Variants in FNDC3B observed in about 807,000 individuals in gnomAD.
FNDC3B encodes fibronectin type III domain-containing protein 3B.
Under a neutral mutation model 151.5 loss-of-function variants are expected in FNDC3B, and 12 were observed. The observed-to-expected ratio is 0.08, with a 90% CI of 0.05 to 0.13. The LOEUF (loss-of-function observed/expected upper bound fraction) is 0.13, where lower values mean the gene tolerates loss of function less well. Among genes scored for constraint, FNDC3B ranks in the 10% least tolerant of loss-of-function variants. The probability of loss-of-function intolerance (pLI) is 1.00; values close to 1 mark genes in which losing one functional copy is unlikely to be tolerated. For missense variants in FNDC3B, 1,214 were observed against 1,505.3 expected, an observed-to-expected ratio of 0.81 and a Z score of 3.20; for synonymous variants, 528 against 549.0, an observed-to-expected ratio of 0.96 and a Z score of 0.54.
At chr3:172,312,500 A>G (rs1450035678) in intron 11 of FNDC3B, among the ~76,000 whole-genome samples, 1 of 152,168 alleles carries the variant, frequency 6.6e-6, no homozygotes, top group Admixed American at 6.5e-5. Context: ...CTTTGTAAGG[A>G]CAGGTGACCG....
chr3:172,171,665 T>C (rs943484537), intron 3 of FNDC3B, among the ~76,000 whole-genome samples: 1 of 151,304 alleles, frequency 6.6e-6, no homozygotes, highest in Non-Finnish European at 1.5e-5. Flanking sequence ...TCCAGTTCTT[T>C]ACAGCTGAGC....
intron 2 of FNDC3B, among the ~76,000 whole-genome samples, chr3:172,113,908 T>C (rs1029208329): frequency 2.0e-5 from 3 of 152,050 alleles, no homozygotes; most frequent in Non-Finnish European, 4.4e-5. Context: ...ATCTCAGGAG[T>C]GTGTGCTGAA....
chr3:172,246,188 T>C (rs1293926893), intron 4 of FNDC3B, among the ~76,000 whole-genome samples: 1 of 120,218 alleles, frequency 8.3e-6, no homozygotes, highest in East Asian at 2.0e-4. Context: ...GGTTTTTAGA[T>C]TTTTTTTTTT....
At chr3:172,283,903 A>AC (rs1729870301) in intron 6 of FNDC3B, among the ~76,000 whole-genome samples, 1 of 152,088 alleles carries the variant, frequency 6.6e-6, no homozygotes, top group Non-Finnish European at 1.5e-5. Context: ...GGGTCTTTTG[A>AC]ATGTGGGTTT....
At chr3:172,075,724 A>AACACAC (rs57920659) in intron 1 of FNDC3B, among the ~76,000 whole-genome samples, 507 of 146,948 alleles carry the variant, frequency 3.5e-3, no homozygotes, top group African/African-American at 6.4e-3. Flanking sequence ...TAGCCCAGTA[A>AACACAC]ACACACACAC....
chr3:172,125,982 G>A (rs1720791673), intron 2 of FNDC3B, among the ~76,000 whole-genome samples: 1 of 152,128 alleles, frequency 6.6e-6, no homozygotes, highest in Non-Finnish European at 1.5e-5. Flanking sequence ...CTTATGCATA[G>A]CCTTGGAAAA....
At chr3:172,354,495 TAAA>T (rs889464333) in intron 22 of FNDC3B, among the ~76,000 whole-genome samples, 28 of 149,816 alleles carry the variant, frequency 1.9e-4, no homozygotes, top group Admixed American at 6.0e-4. Flanking sequence ...ATATAAACAA[TAAA>T]AAAAAATAAT....
chr3:172,061,874 A>G (rs1229209692), intron 1 of FNDC3B, among the ~76,000 whole-genome samples: 1 of 152,188 alleles, frequency 6.6e-6, no homozygotes, highest in Non-Finnish European at 1.5e-5. Flanking sequence ...CAAAGAACCA[A>G]AGAGATCTCT....
At chr3:172,313,189 T>A (rs949880514) in intron 11 of FNDC3B, among the ~76,000 whole-genome samples, 9 of 152,222 alleles carry the variant, frequency 5.9e-5, no homozygotes, top group African/African-American at 2.2e-4. Flanking sequence ...ACAGGAATCC[T>A]TTTACATTCT....
chr3:172,272,785 C>T (rs759972758), intron 6 of FNDC3B, among the ~76,000 whole-genome samples: 7 of 152,140 alleles, frequency 4.6e-5, no homozygotes, highest in Admixed American at 2.0e-4. Context: ...AGGCTGCTTT[C>T]ATTGGAAGCC....
At position 172,387,157 on chromosome 3, in the gene FNDC3B, A is replaced by G. The variant is rs552891049; in HGVS notation, c.3303+6064A>G. Among the ~76,000 whole-genome samples the G allele has an allele frequency of 1.3e-4, 20 of 152,138 alleles. No homozygotes were observed. In the South Asian group the frequency reaches 3.1e-3, roughly 24 times the overall value. On this transcript the variant is annotated intron_variant, in intron 25 of 25. Coordinates refer to ENST00000415807, the MANE Select transcript of FNDC3B (RefSeq NM_022763.4). ...TTTTTAGTAGAGACGGGATTTCACCATGTTGTCCAGGCTGGTCTTGAACTG... is the reference window on the plus strand; with the variant it reads ...TTTTTAGTAGAGACGGGATTTCACCGTGTTGTCCAGGCTGGTCTTGAACTG...
chr3:172,394,744 A>G (rs899979603), intron 25 of FNDC3B, among the ~76,000 whole-genome samples: 3 of 152,222 alleles, frequency 2.0e-5, no homozygotes, highest in African/African-American at 7.2e-5. Flanking sequence ...CAAGGCCAGC[A>G]TCATCCTCAT....
chr3:172,295,049 A>T (rs1021584099), intron 7 of FNDC3B, among the ~76,000 whole-genome samples: 1 of 152,212 alleles, frequency 6.6e-6, no homozygotes, highest in African/African-American at 2.4e-5. Context: ...TCTTCCACAT[A>T]ATGTAGAAAT....
intron 1 of FNDC3B, among the ~76,000 whole-genome samples, chr3:172,059,505 A>G (rs1717083754): frequency 6.6e-6 from 1 of 152,100 alleles, no homozygotes; most frequent in South Asian, 2.1e-4. Context: ...CATCTGAAAA[A>G]TTGTTTTCTT....
intron 3 of FNDC3B, among the ~76,000 whole-genome samples, chr3:172,167,581 C>G (rs546825561): frequency 6.6e-6 from 1 of 152,242 alleles, no homozygotes; most frequent in Non-Finnish European, 1.5e-5. Flanking sequence ...CTTTCCACAG[C>G]CTATGAGCTC....
At chr3:172,211,119 T>C (rs1258888585) in intron 3 of FNDC3B, among the ~76,000 whole-genome samples, 1 of 152,232 alleles carries the variant, frequency 6.6e-6, no homozygotes, top group Admixed American at 6.5e-5. Flanking sequence ...CATAAAACTT[T>C]AAATATTTTA....
rs1277756926 is a variant in FNDC3B, at chr3:172,108,170, A to T, written c.-28-4282A>T. Among the ~76,000 whole-genome samples the T allele has an allele frequency of 2.1e-5, 3 of 141,440 alleles. No homozygotes were observed. In the South Asian group the frequency reaches 6.5e-4, roughly 30 times the overall value. The allele number at this position is 141,440 out of a possible 152,430, so 92.8% of individuals were successfully genotyped here. On this transcript the variant is annotated intron_variant, in intron 1 of 25. Coordinates refer to ENST00000415807, the MANE Select transcript of FNDC3B (RefSeq NM_022763.4). ...GCAACAGAGTGAGACTCTGTCTCAA[A>T]AAAAAGAAAAAAAAAAAGTAGAGGT... is the stretch of plus-strand genomic sequence containing the variant.
intron 3 of FNDC3B, among the ~76,000 whole-genome samples, chr3:172,145,907 G>A (rs574225896): frequency 2.0e-5 from 3 of 148,818 alleles, no homozygotes; most frequent in Admixed American, 6.8e-5. Context: ...TCCGCCACCC[G>A]GGTTTAAGCG....
At chr3:172,302,902 G>A (rs1163597485) in intron 9 of FNDC3B, 2 of 124,496 alleles carry the variant, frequency 1.6e-5, no homozygotes, top group African/African-American at 3.6e-5. Flanking sequence ...GTGTGTGAGA[G>A]TGTGTGTTTG....
Sources: gnomAD v4.1 joint callset for allele counts (sites outside exome capture counted in the v4.1 genomes callset) on GRCh38, gnomAD v4.1.1 for gene constraint, MANE v1.5 for transcripts, NCBI Gene and HGNC (gene_info 2026-07-23, HGNC 2026-07-21) for gene names.